Variants in INSM1 observed in about 807,000 individuals in gnomAD.
INSM1 encodes INSM transcriptional repressor 1.
In INSM1, 11 loss-of-function variants were observed where a neutral mutation model predicts 21.1. The observed-to-expected ratio is 0.52, with a 90% CI of 0.33 to 0.86. INSM1 has a LOEUF of 0.86. Among genes scored for constraint, INSM1 ranks in the 40% least tolerant of loss-of-function variants. The probability of loss-of-function intolerance (pLI) is 0.03; values close to 1 mark genes in which losing one functional copy is unlikely to be tolerated. For synonymous variants in INSM1, 473 were observed against 386.1 expected (o/e 1.23, Z -2.64); for missense variants, 843 against 760.1 (o/e 1.11, Z -1.28).
chr20:20,369,922 GT>G lies in INSM1; in HGVS notation c.*123del. On this transcript the variant is annotated 3_prime_UTR_variant, in exon 1 of 1. Transcript: ENST00000310227. This position sits in a 1 kb window ranked among gnomAD's most constrained non-coding sequence, Gnocchi z 5.6. ...GGAGCCTCGCCCCCGCCCCCACCGG[GT>G]GAAAGTGTCGTCTCCGCTTCTCTCG... is the stretch of plus-strand genomic sequence containing the variant. 1.2e-6 allele frequency: 1 copy of G among 824,646 alleles called. No homozygotes were observed. The highest frequency in any genetic ancestry group is 1.8e-5 in the African/African-American group (1 of 56,594). 51.1% of individuals were successfully genotyped at this position (824,646 alleles called of 1,614,324 possible).
chr20:20,368,757 C>T lies in INSM1; in HGVS notation c.490C>T (p.Pro164Ser), dbSNP rs1340672905. 8.7e-7 allele frequency: 1 copy of T among 1,155,514 alleles called. No individual in the cohort carries two copies. Among genetic ancestry groups the T allele is most frequent in the Non-Finnish European group, 1.1e-6 (1 of 923,916 alleles). The allele number at this position is 1,155,514 out of a possible 1,614,324, so 71.6% of individuals were successfully genotyped here. The change falls in exon 1 of 1, where the codon CCC (proline) becomes TCC (serine). Residue 164 changes from proline (P) to serine (S), a missense_variant. Coordinates refer to ENST00000310227, the MANE Select transcript of INSM1 (RefSeq NM_002196.3). The surrounding 1 kb of genome is among the most constrained non-coding windows in gnomAD (Gnocchi z 4.3). ...TCGGDPLLFA[P>S]AELKMGTAFS... ...CGGCGGCGACCCGCTGCTCTTCGCGCCCGCCGAGCTCAAGATGGGCACGGC... is the reference window on the plus strand; with the variant it reads ...CGGCGGCGACCCGCTGCTCTTCGCGTCCGCCGAGCTCAAGATGGGCACGGC...
At position 20,368,965 on chromosome 20, in the gene INSM1, A is replaced by G; in HGVS notation, c.698A>G (p.Asp233Gly). The G allele has an allele frequency of 6.4e-7, 1 of 1,556,056 alleles. No individual in the cohort carries two copies. Among genetic ancestry groups the G allele is most frequent in the East Asian group, 2.5e-5 (1 of 39,926 alleles). ...PKAIRKLHFE[D>G]EVTTSPVLGL... ...GCCATCCGCAAGCTGCACTTCGAGG[A>G]CGAGGTGACCACGTCGCCCGTGCTG... Residue 233 changes from aspartate to glycine, a missense_variant, in exon 1 of 1, where the codon GAC (aspartate) becomes GGC (glycine). By Grantham distance (94) the Asp-to-Gly change is moderately conservative. Transcript: ENST00000310227. This position sits in a 1 kb window ranked among gnomAD's most constrained non-coding sequence, Gnocchi z 4.3.
In INSM1 at chr20:20,369,498, T is replaced by C; in HGVS notation, c.1231T>C (p.Tyr411His). The change falls in exon 1 of 1, where the codon TAC (tyrosine) becomes CAC (histidine). Residue 411 changes from tyrosine to histidine, a missense_variant. Tyr to His is a moderately conservative substitution (Grantham distance 83). Coordinates refer to ENST00000310227, the MANE Select transcript of INSM1 (RefSeq NM_002196.3). This position sits in a 1 kb window ranked among gnomAD's most constrained non-coding sequence, Gnocchi z 5.6. ...CCCGGCCGAGGACCTACTGGCCTTG[T>C]ACCCCGGGCCCGACGAGAAGGCGCC... ...APPAEDLLAL[Y>H]PGPDEKAPQE... is the part of the protein sequence containing the mutation. 1 of 1,544,380 alleles carries C rather than the reference T, an allele frequency of 6.5e-7. No homozygotes were observed. The highest frequency in any genetic ancestry group is 8.7e-7 in the Non-Finnish European group (1 of 1,153,640).
chr20:20,370,015 G>A lies in INSM1; in HGVS notation c.*215G>A. ...TTTGGAACCCCCACTTTTACGTTGTGTCCCTCCGCCTCCCCCATGGCGCAA... is the reference window on the plus strand; with the variant it reads ...TTTGGAACCCCCACTTTTACGTTGTATCCCTCCGCCTCCCCCATGGCGCAA... On this transcript the variant is annotated 3_prime_UTR_variant, in exon 1 of 1. Transcript: ENST00000310227. 1.9e-6 allele frequency: 1 copy of A among 532,154 alleles called. No individual in the cohort carries two copies. Among genetic ancestry groups the A allele is most frequent in the Non-Finnish European group, 3.4e-6 (1 of 297,486 alleles). The allele number at this position is 532,154 out of a possible 1,614,324, so 33.0% of individuals were successfully genotyped here.
Position 20,369,879 on chromosome 20 carries a change from A to C in INSM1, c.*79A>C. On this transcript the variant is annotated 3_prime_UTR_variant, in exon 1 of 1. Transcript: ENST00000310227. The surrounding 1 kb of genome is among the most constrained non-coding windows in gnomAD (Gnocchi z 5.6). ...AGAGAGTGCGCCCTGCACTCCCCGA[A>C]CCCGAGTCCGCGCTGGGGGAGCCTC... The C allele has an allele frequency of 1.6e-6, 2 of 1,267,136 alleles. No individual in the cohort carries two copies. Among genetic ancestry groups the C allele is most frequent in the Non-Finnish European group, 2.1e-6 (2 of 934,044 alleles). The allele number at this position is 1,267,136 out of a possible 1,614,324, so 78.5% of individuals were successfully genotyped here.
In INSM1 at chr20:20,369,206, C is replaced by T. The variant is rs758753618; in HGVS notation, c.939C>T (p.His313=). 1.8e-5 allele frequency: 28 copies of T among 1,540,226 alleles called. No homozygotes were observed. Among genetic ancestry groups the T allele is most frequent in the Non-Finnish European group, 2.3e-5 (26 of 1,151,742 alleles). Residue 313 remains histidine, a synonymous_variant, in exon 1 of 1, where the codon CAC becomes CAT. Coordinates refer to ENST00000310227, the MANE Select transcript of INSM1 (RefSeq NM_002196.3). This position sits in a 1 kb window ranked among gnomAD's most constrained non-coding sequence, Gnocchi z 5.6. ...GCTGCCCGGCCAACCTGGCCTCGCA[C>T]CGCCGCTGGCACAAACCGCGGCCCG... ...VFSCPANLAS[H]RRWHKPRPAP... is the part of the protein sequence containing the mutation.
At position 20,369,475 on chromosome 20, in the gene INSM1, C is replaced by T. The variant is rs750055006; in HGVS notation, c.1208C>T (p.Pro403Leu). 2.6e-5 allele frequency: 39 copies of T among 1,529,020 alleles called. No individual in the cohort carries two copies. The African/African-American group carries it at 3.7e-4, about 14-fold the overall frequency. The allele number at this position is 1,529,020 out of a possible 1,614,324, so 94.7% of individuals were successfully genotyped here. Residue 403 changes from proline (P) to leucine (L), a missense_variant, in exon 1 of 1, where the codon CCG becomes CTG. Physicochemically the swap from Pro to Leu is moderately conservative, Grantham distance 98. Transcript: ENST00000310227. The surrounding 1 kb of genome is among the most constrained non-coding windows in gnomAD (Gnocchi z 5.6). ...GCCAAGGGCGCGCCGCTAGCGCCCC[C>T]GGCCGAGGACCTACTGGCCTTGTAC... is the stretch of plus-strand genomic sequence containing the variant. ...LQAKGAPLAP[P>L]AEDLLALYPG... is the part of the protein sequence containing the mutation.
Position 20,369,163 on chromosome 20 carries a change from A to G in INSM1, c.896A>G (p.Glu299Gly). The G allele has an allele frequency of 6.3e-7, 1 of 1,578,990 alleles. No homozygotes were observed. Residue 299 changes from glutamate (E) to glycine (G), a missense_variant, in exon 1 of 1, where the codon GAG (glutamate) becomes GGG (glycine). Coordinates refer to ENST00000310227, the MANE Select transcript of INSM1 (RefSeq NM_002196.3). This position sits in a 1 kb window ranked among gnomAD's most constrained non-coding sequence, Gnocchi z 5.6. ...GTGCGTGTGGAGTACCGCTGTCCCG[A>G]GTGCGCCAAGGTCTTCAGCTGCCCG... ...RIVRVEYRCP[E>G]CAKVFSCPAN...
In INSM1 at chr20:20,368,314, T is replaced by C. The variant is rs1215519357; in HGVS notation, c.47T>C (p.Val16Ala). Residue 16 changes from valine (V) to alanine (A), a missense_variant, in exon 1 of 1, where the codon GTT (valine) becomes GCT (alanine). By Grantham distance (64) the Val-to-Ala change is moderately conservative (BLOSUM62 0). Transcript: ENST00000310227. This position sits in a 1 kb window ranked among gnomAD's most constrained non-coding sequence, Gnocchi z 4.3. Reference sequence around the variant, plus strand: ...AAGCGCAGCAAGAAGTCCACGCCCGTTTCCTACCGGGTCCGCGGCGGCGAG... The same window carrying C: ...AAGCGCAGCAAGAAGTCCACGCCCGCTTCCTACCGGGTCCGCGGCGGCGAG... ...LVKRSKKSTP[V>A]SYRVRGGEDG... 3 of 1,315,704 alleles carry C rather than the reference T, an allele frequency of 2.3e-6. No homozygotes were observed. Among genetic ancestry groups the C allele is most frequent in the Admixed American group, 4.9e-5 (2 of 41,004 alleles). 81.5% of individuals were successfully genotyped at this position (1,315,704 alleles called of 1,614,324 possible).
Position 20,368,664 on chromosome 20 carries a change from A to T in INSM1, c.397A>T (p.Thr133Ser), listed in dbSNP as rs975193585. The change falls in exon 1 of 1, where the codon ACG (threonine) becomes TCG (serine). Residue 133 changes from threonine (T) to serine (S), a missense_variant. Physicochemically the swap from Thr to Ser is moderately conservative, Grantham distance 58. Transcript: ENST00000310227. The surrounding 1 kb of genome is among the most constrained non-coding windows in gnomAD (Gnocchi z 4.3). ...GSPVSAESFP[T>S]PAALLGGGGG... Reference sequence around the variant, plus strand: ...GCCGGTCTCGGCCGAGTCCTTCCCCACGCCCGCCGCGCTGCTCGGAGGGGG... The same window carrying T: ...GCCGGTCTCGGCCGAGTCCTTCCCCTCGCCCGCCGCGCTGCTCGGAGGGGG... 7.2e-7 allele frequency: 1 copy of T among 1,394,666 alleles called. No individual in the cohort carries two copies. The highest frequency in any genetic ancestry group is 1.5e-5 in the African/African-American group (1 of 65,282). The allele number at this position is 1,394,666 out of a possible 1,614,324, so 86.4% of individuals were successfully genotyped here.
Position 20,368,270 on chromosome 20 carries a change from GC to G in INSM1, c.7del (p.Arg3AlafsTer5). On this transcript the variant is annotated frameshift_variant, in exon 1 of 1. Coordinates refer to ENST00000310227, the MANE Select transcript of INSM1 (RefSeq NM_002196.3). LOFTEE classifies it low-confidence loss of function (END_TRUNC). This position sits in a 1 kb window ranked among gnomAD's most constrained non-coding sequence, Gnocchi z 4.3. M[P>X]RGFLVKRSKK... is the part of the protein sequence containing the mutation. ...CCGTGCCCTCGGGCCGCGCCAACAT[GC>G]CCCGCGGCTTCCTGGTGAAGCGCAG... 1.6e-6 allele frequency: 2 copies of G among 1,270,386 alleles called. No individual in the cohort carries two copies. The highest frequency in any genetic ancestry group is 4.6e-5 in the East Asian group (1 of 21,862). 78.7% of individuals were successfully genotyped at this position (1,270,386 alleles called of 1,614,324 possible).
Position 20,368,405 on chromosome 20 carries a change from G to A in INSM1, c.138G>A (p.Pro46=), listed in dbSNP as rs1414948427. The change falls in exon 1 of 1, where the codon CCG becomes CCA. Residue 46 remains proline (P), a synonymous_variant. Coordinates refer to ENST00000310227, the MANE Select transcript of INSM1 (RefSeq NM_002196.3). The surrounding 1 kb of genome is among the most constrained non-coding windows in gnomAD (Gnocchi z 4.3). ...CGGARAEPPA[P]SPVPGPLPPP... ...GCGCCCGCGCCGAGCCCCCGGCGCC[G>A]AGCCCGGTCCCCGGGCCGCTGCCGC... is the stretch of plus-strand genomic sequence containing the variant. 1.3e-5 allele frequency: 13 copies of A among 1,006,474 alleles called. No individual in the cohort carries two copies. The South Asian group carries it at 2.5e-4, about 20-fold the overall frequency. The allele number at this position is 1,006,474 out of a possible 1,614,324, so 62.3% of individuals were successfully genotyped here. A position where few individuals can be genotyped will look rare whatever the true frequency, so the allele number is the denominator to read the frequency against.
At position 20,368,132 on chromosome 20, in the gene INSM1, TG is replaced by T; in HGVS notation, c.-133del. ...GGGACGCGCGTGCAGGGCGCAGAGC[TG>T]GGCCGAGCCGTCGCCGGCGCCACGC... On this transcript the variant is annotated 5_prime_UTR_variant, in exon 1 of 1. Transcript: ENST00000310227. This position sits in a 1 kb window ranked among gnomAD's most constrained non-coding sequence, Gnocchi z 4.3. 1 of 570,678 alleles carries T rather than the reference TG, an allele frequency of 1.8e-6. No homozygotes were observed. The highest frequency in any genetic ancestry group is 2.3e-6 in the Non-Finnish European group (1 of 441,846). The allele number at this position is 570,678 out of a possible 1,614,324, so 35.4% of individuals were successfully genotyped here.
chr20:20,368,294 C>A lies in INSM1; in HGVS notation c.27C>A (p.Arg9=). The part of the protein sequence containing the change: MPRGFLVK[R]SKKSTPVSYR... ...TGCCCCGCGGCTTCCTGGTGAAGCG[C>A]AGCAAGAAGTCCACGCCCGTTTCCT... Residue 9 remains arginine (R), a synonymous_variant, in exon 1 of 1, where the codon CGC becomes CGA. Coordinates refer to ENST00000310227, the MANE Select transcript of INSM1 (RefSeq NM_002196.3). This position sits in a 1 kb window ranked among gnomAD's most constrained non-coding sequence, Gnocchi z 4.3. 1 of 1,314,636 alleles carries A rather than the reference C, an allele frequency of 7.6e-7. No individual in the cohort carries two copies. Among genetic ancestry groups the A allele is most frequent in the South Asian group, 1.5e-5 (1 of 66,696 alleles). The allele number at this position is 1,314,636 out of a possible 1,614,324, so 81.4% of individuals were successfully genotyped here.
Position 20,369,911 on chromosome 20 carries a change from GC to G in INSM1, c.*116del. 2 of 889,658 alleles carry G rather than the reference GC, an allele frequency of 2.2e-6. No homozygotes were observed. Among genetic ancestry groups the G allele is most frequent in the South Asian group, 1.8e-5 (1 of 54,316 alleles). 55.1% of individuals were successfully genotyped at this position (889,658 alleles called of 1,614,324 possible). ...TCCGCGCTGGGGGAGCCTCGCCCCC[GC>G]CCCCACCGGGTGAAAGTGTCGTCTC... On this transcript the variant is annotated 3_prime_UTR_variant, in exon 1 of 1. Coordinates refer to ENST00000310227, the MANE Select transcript of INSM1 (RefSeq NM_002196.3). This position sits in a 1 kb window ranked among gnomAD's most constrained non-coding sequence, Gnocchi z 5.6.
Position 20,369,779 on chromosome 20 carries a change from G to A in INSM1, c.1512G>A (p.Val504=). 6.3e-7 allele frequency: 1 copy of A among 1,597,678 alleles called. No homozygotes were observed. Among genetic ancestry groups the A allele is most frequent in the African/African-American group, 1.3e-5 (1 of 74,582 alleles). Residue 504 remains valine (V), a synonymous_variant, in exon 1 of 1, where the codon GTG becomes GTA. Coordinates refer to ENST00000310227, the MANE Select transcript of INSM1 (RefSeq NM_002196.3). The surrounding 1 kb of genome is among the most constrained non-coding windows in gnomAD (Gnocchi z 5.6). ...ACAGACAGGTGATCCTCCTGCAGGT[G>A]CCCGTGCGCCCGGCCTGCTAGAGCG... The part of the protein sequence containing the change: ...SENRQVILLQ[V]PVRPAC
At position 20,368,494 on chromosome 20, in the gene INSM1, C is replaced by T. The variant is rs762571196; in HGVS notation, c.227C>T (p.Pro76Leu). ...GCCGCGCTTGCCTGCGCGCCTGGGC[C>T]GCAGCCACCCCCGCAGGGCCCGCGG... ...LAAALACAPG[P>L]QPPPQGPRAA... The change falls in exon 1 of 1, where the codon CCG becomes CTG. Residue 76 changes from proline (P) to leucine (L), a missense_variant. By Grantham distance (98) the Pro-to-Leu change is moderately conservative (BLOSUM62 -3). Transcript: ENST00000310227. This position sits in a 1 kb window ranked among gnomAD's most constrained non-coding sequence, Gnocchi z 4.3. The T allele has an allele frequency of 1.7e-6, 2 of 1,158,504 alleles. No homozygotes were observed. Among genetic ancestry groups the T allele is most frequent in the Non-Finnish European group, 2.1e-6 (2 of 931,816 alleles). The allele number at this position is 1,158,504 out of a possible 1,614,324, so 71.8% of individuals were successfully genotyped here. A position where few individuals can be genotyped will look rare whatever the true frequency, so the allele number is the denominator to read the frequency against.
Position 20,368,449 on chromosome 20 carries a change from G to C in INSM1, c.182G>C (p.Arg61Pro). ...GPLPPPPPAE[R>P]AHAALAAALA... ...CTGCCGCCGCCGCCGCCCGCGGAGC[G>C]CGCCCATGCAGCGCTCGCCGCCGCG... The change falls in exon 1 of 1, where the codon CGC becomes CCC. Residue 61 changes from arginine (R) to proline (P), a missense_variant. Physicochemically the swap from Arg to Pro is moderately radical, Grantham distance 103. Coordinates refer to ENST00000310227, the MANE Select transcript of INSM1 (RefSeq NM_002196.3). The surrounding 1 kb of genome is among the most constrained non-coding windows in gnomAD (Gnocchi z 4.3). 3.0e-6 allele frequency: 3 copies of C among 1,000,394 alleles called. No individual in the cohort carries two copies. The highest frequency in any genetic ancestry group is 3.6e-6 in the Non-Finnish European group (3 of 840,496). The allele number at this position is 1,000,394 out of a possible 1,614,324, so 62.0% of individuals were successfully genotyped here. A position where few individuals can be genotyped will look rare whatever the true frequency, so the allele number is the denominator to read the frequency against.
Position 20,370,393 on chromosome 20 carries a change from C to G in INSM1, c.*593C>G, listed in dbSNP as rs930414806. On this transcript the variant is annotated 3_prime_UTR_variant, in exon 1 of 1. Transcript: ENST00000310227. The stretch of plus-strand genomic sequence containing the variant: ...TAAAAAAGAGTTTTCTTTAGTATAG[C>G]CACAAATGCCTTGAACTGTTGTCTG... 1 of 166,940 alleles carries G rather than the reference C, an allele frequency of 6.0e-6. No homozygotes were observed. Among genetic ancestry groups the G allele is most frequent in the African/African-American group, 2.4e-5 (1 of 41,386 alleles). 10.3% of individuals were successfully genotyped at this position (166,940 alleles called of 1,614,324 possible).
Sources: gnomAD v4.1 joint callset for allele counts on GRCh38, gnomAD v4.1.1 for gene constraint, Gnocchi (gnomAD v3.1) non-coding constraint, MANE v1.5 for transcripts, NCBI Gene and HGNC (gene_info 2026-07-23, HGNC 2026-07-21) for gene names.